The following NF2 variants were observed in gnomAD, a reference collection of about 807,000 sequenced individuals.
NF2 encodes NF2, moesin-ezrin-radixin like (MERLIN) tumor suppressor.
NF2 carries 8 observed loss-of-function variants against 83.7 expected under a neutral mutation model. That is an observed-to-expected ratio of 0.10 (90% CI 0.06 to 0.17). The LOEUF (loss-of-function observed/expected upper bound fraction) is 0.17, where lower values mean the gene tolerates loss of function less well. NF2 is among the 10% of genes least tolerant of loss of function. NF2 has a pLI of 1.00. For synonymous variants in NF2, 266 were observed against 269.6 expected (o/e 0.99, Z 0.13); for missense variants, 533 against 744.4 (o/e 0.72, Z 3.31).
At chr22:29,683,656 G>A (rs1024959767) in intron 15 of NF2, 26 of 1,080,976 alleles carry the variant, frequency 2.4e-5, no homozygotes, top group Non-Finnish European at 2.8e-5. Flanking sequence ...GAGTCCACGG[G>A]GAGTGGACTG....
intron 6 of NF2, 109 bp from the exon 7 acceptor site, chr22:29,658,080 C>T (rs750788287): frequency 1.5e-5 from 14 of 953,346 alleles, no homozygotes; most frequent in Admixed American, 3.9e-5. Context: ...CTTCTGGCAG[C>T]GACGTGGCTC....
chr22:29,655,871 G>A (rs1569294425), intron 6 of NF2, among the ~76,000 whole-genome samples, 195 bp downstream of exon 6: 1 of 152,038 alleles, frequency 6.6e-6, no homozygotes, highest in African/African-American at 2.4e-5. Context: ...TAGTACGTAT[G>A]ACATAAAGTA....
intron 12 of NF2, among the ~76,000 whole-genome samples, chr22:29,674,575 A>C (rs1369112845): frequency 6.6e-6 from 1 of 152,216 alleles, no homozygotes; most frequent in Non-Finnish European, 1.5e-5. Context: ...TGGCTGCAGA[A>C]GGTCTGGTTT....
chr22:29,670,252 C>CTAGGGTTA (rs1463308792), intron 10 of NF2, among the ~76,000 whole-genome samples: 1 of 151,978 alleles, frequency 6.6e-6, no homozygotes, highest in African/African-American at 2.4e-5. Context: ...CCTACTTCAG[C>CTAGGGTTA]CCCCCAAAGT....
intron 8 of NF2, 86 bp from the exon 9 acceptor site, chr22:29,664,904 G>T: frequency 2.2e-6 from 2 of 927,072 alleles, no homozygotes; most frequent in East Asian, 5.1e-5. Flanking sequence ...TCTGTGGCCA[G>T]TGTGGTTGCG....
chr22:29,672,013 T>C lies in NF2; in HGVS notation c.1122+65T>C, dbSNP rs912971249. On this transcript the variant is annotated intron_variant, in intron 11 of 15. Coordinates refer to ENST00000338641, the MANE Select transcript of NF2 (RefSeq NM_000268.4). The stretch of plus-strand genomic sequence containing the variant: ...GGACTTCCTTGGCTTTTCTGGAGCT[T>C]GGTCTCCTGAAAACCATGAGTTAGC... 7.1e-5 allele frequency: 114 copies of C among 1,610,074 alleles called. No individual in the cohort carries two copies. The African/African-American group carries it at 7.3e-4, about 10-fold the overall frequency.
chr22:29,644,359 T>G (rs1238706032), intron 4 of NF2, among the ~76,000 whole-genome samples: 22 of 125,464 alleles, frequency 1.8e-4, no homozygotes, highest in South Asian at 5.2e-4. Context: ...TTCCTAGATG[T>G]GATGGCGGCC....
intron 15 of NF2, among the ~76,000 whole-genome samples, chr22:29,693,000 C>T (rs901955538): frequency 5.4e-4 from 82 of 152,350 alleles, no homozygotes; most frequent in African/African-American, 1.9e-3. Context: ...AGGCAGCTGA[C>T]TGTGCCTGTA....
At chr22:29,641,185 C>CA (rs386395179) in intron 3 of NF2, among the ~76,000 whole-genome samples, 1 of 150,778 alleles carries the variant, frequency 6.6e-6, no homozygotes, top group South Asian at 2.1e-4. Context: ...TTTTTCCCCC[C>CA]TCTCTTTGGA....
At chr22:29,670,249 C>T (rs935172000) in intron 10 of NF2, among the ~76,000 whole-genome samples, 1 of 152,144 alleles carries the variant, frequency 6.6e-6, no homozygotes, top group African/African-American at 2.4e-5. Context: ...CCTCCTACTT[C>T]AGCCCCCCAA....
At chr22:29,611,004 G>C (rs1414831327) in intron 1 of NF2, among the ~76,000 whole-genome samples, 7 of 152,146 alleles carry the variant, frequency 4.6e-5, no homozygotes, top group Admixed American at 2.0e-4. Flanking sequence ...AGGAGTGCAA[G>C]GTTGGTTTAA....
intron 4 of NF2, among the ~76,000 whole-genome samples, chr22:29,653,698 T>C (rs1358856937): frequency 2.0e-5 from 3 of 152,148 alleles, no homozygotes; most frequent in Non-Finnish European, 2.9e-5. Context: ...TTGAGGCTCT[T>C]TGAGAATGAG....
At chr22:29,683,203 A>G in intron 15 of NF2, 4 of 1,603,206 alleles carry the variant, frequency 2.5e-6, no homozygotes, top group Non-Finnish European at 3.4e-6. Context: ...TACTGGCCGC[A>G]GCATGCTTTG....
chr22:29,678,376 T>C (rs185734174), intron 14 of NF2, 53 bp downstream of exon 14: 78 of 1,606,462 alleles, frequency 4.9e-5, no homozygotes, highest in East Asian at 3.6e-4. Flanking sequence ...GACTGAGTGA[T>C]TGGGGCCTTG....
chr22:29,670,969 A>C (rs2066765635), intron 10 of NF2, among the ~76,000 whole-genome samples: 1 of 152,124 alleles, frequency 6.6e-6, no homozygotes. Context: ...CTATTGATGC[A>C]TCACGTAGAA....
chr22:29,656,449 G>T lies in NF2; in HGVS notation c.599+773G>T, dbSNP rs1461235715. On this transcript the variant is annotated intron_variant, in intron 6 of 15. Coordinates refer to ENST00000338641, the MANE Select transcript of NF2 (RefSeq NM_000268.4). ...TTTTTTTGAGACGGAGTCTCACTCA[G>T]TCACCCAGGCTGGAGTGCAGTGGCG... 2.5e-5 allele frequency among the ~76,000 whole-genome samples: 3 copies of T among 120,818 alleles called. No homozygotes were observed. In the Admixed American group the frequency reaches 3.3e-4, roughly 13 times the overall value. 79.3% of individuals were successfully genotyped at this position (120,818 alleles called of 152,430 possible).
chr22:29,617,059 G>C (rs1033334784), intron 1 of NF2, among the ~76,000 whole-genome samples: 8 of 152,056 alleles, frequency 5.3e-5, no homozygotes, highest in African/African-American at 1.9e-4. Flanking sequence ...CTCCCAAGTA[G>C]CTGGGATTAC....
Position 29,671,848 on chromosome 22 carries a change from G to T in NF2, c.1022G>T (p.Arg341Leu), listed in dbSNP as rs754087071. Residue 341 changes from arginine (R) to leucine (L), a missense_variant, in exon 11 of 16, where the codon CGA becomes CTA. Transcript: ENST00000338641. The stretch of plus-strand genomic sequence containing the variant: ...CAGATGGAGCGGCAGCGCCTCGCTC[G>T]AGAGAAGCAGATGAGGGAGGAGGCT... ...RKQMERQRLA[R>L]EKQMREEAER... The T allele has an allele frequency of 6.2e-7, 1 of 1,614,066 alleles. No individual in the cohort carries two copies. Among genetic ancestry groups the T allele is most frequent in the Non-Finnish European group, 8.5e-7 (1 of 1,179,992 alleles).
chr22:29,636,669 C>A lies in NF2; in HGVS notation c.115-82C>A, dbSNP rs2065655065. On this transcript the variant is annotated intron_variant, in intron 1 of 15. Transcript: ENST00000338641. The surrounding 1 kb of genome is among the most constrained non-coding windows in gnomAD (Gnocchi z 4.4). The stretch of plus-strand genomic sequence containing the variant: ...TTAGTGTCATCCCCACGTTTTGGAA[C>A]CTGAGAGTGGAGAGTGCAGAGAAAA... 1.3e-6 allele frequency: 2 copies of A among 1,588,846 alleles called. No individual in the cohort carries two copies. The highest frequency in any genetic ancestry group is 1.7e-6 in the Non-Finnish European group (2 of 1,157,708).
Sources: allele counts gnomAD v4.1 joint callset (sites outside exome capture counted in the v4.1 genomes callset), GRCh38; gene constraint gnomAD v4.1.1; non-coding constraint Gnocchi (gnomAD v3.1); transcripts MANE v1.5; gene names NCBI Gene and HGNC (gene_info 2026-07-23, HGNC 2026-07-21).